The following SLC12A7 variants were observed in gnomAD, a reference collection of about 807,000 sequenced individuals.
SLC12A7 encodes the protein K-Cl cotransporter 4.
Under a neutral mutation model 120.6 loss-of-function variants are expected in SLC12A7, and 100 were observed. The observed-to-expected ratio is 0.83, with a 90% CI of 0.71 to 0.98. SLC12A7 has a LOEUF of 0.98. Among genes scored for constraint, SLC12A7 ranks in the 50% least tolerant of loss-of-function variants. The pLI is 0.00. For missense variants in SLC12A7, 1,373 were observed against 1,548.1 expected, an observed-to-expected ratio of 0.89 and a Z score of 1.90; for synonymous variants, 760 against 678.0, an observed-to-expected ratio of 1.12 and a Z score of -1.88.
intron 10 of SLC12A7, 119 bp downstream of exon 10, chr5:1,079,279 C>T (rs1375389110): frequency 2.6e-6 from 2 of 770,844 alleles, no homozygotes; most frequent in Non-Finnish European, 4.4e-6. Context: ...GGTGAGAGCA[C>T]AGCCTAACCT....
At chr5:1,075,781 C>T (rs555841007) in intron 14 of SLC12A7, 25 of 498,822 alleles carry the variant, frequency 5.0e-5, no homozygotes, top group East Asian at 1.6e-4. Flanking sequence ...GTCCACCCAG[C>T]GCCTGATTCC....
chr5:1,108,019 A>AACACACACACAC (rs1288843782), intron 1 of SLC12A7, among the ~76,000 whole-genome samples: 22 of 41,394 alleles, frequency 5.3e-4, no homozygotes, highest in Admixed American at 8.3e-4. Flanking sequence ...ACAGCATACA[A>AACACACACACAC]ACACACACAT....
chr5:1,111,066 G>A (rs1010807030), intron 1 of SLC12A7, among the ~76,000 whole-genome samples: 1 of 152,200 alleles, frequency 6.6e-6, no homozygotes, highest in South Asian at 2.1e-4. Context: ...TGCGGGCACT[G>A]CCAGCACGCG....
the SLC12A7 span, among the ~76,000 whole-genome samples, chr5:1,120,221 GAC>G: frequency 6.6e-6 from 1 of 152,246 alleles, no homozygotes; most frequent in African/African-American, 2.4e-5. Flanking sequence ...TCACTAAAAT[GAC>G]ACACTTCTCT....
chr5:1,078,737 A>G lies in SLC12A7; in HGVS notation c.1418T>C (p.Phe473Ser), dbSNP rs781177105. The change falls in exon 11 of 24, where the codon TTT becomes TCT. Residue 473 changes from phenylalanine (F) to serine (S), a missense_variant. Physicochemically the swap from Phe to Ser is radical, Grantham distance 155. Transcript: ENST00000264930. ...GACCACGCCTTCAATGCAGGCCCCA[A>G]ACAGCACAATGCAGGAGAGATCCAC... The part of the protein sequence containing the change: ...SFIYLSCIVL[F>S]GACIEGVVLR... 1.9e-6 allele frequency: 3 copies of G among 1,611,892 alleles called. No individual in the cohort carries two copies. Among genetic ancestry groups the G allele is most frequent in the South Asian group, 2.2e-5 (2 of 91,028 alleles).
Position 1,063,830 on chromosome 5 carries a change from C to G in SLC12A7, c.2739+14G>C, listed in dbSNP as rs541086357. On this transcript the variant is annotated intron_variant, in intron 20 of 23. Coordinates refer to ENST00000264930, the MANE Select transcript of SLC12A7 (RefSeq NM_006598.3). ...CTCCCCCCGGCCTCCTCCCCTCAAG[C>G]CCTCGGGACTCACCATCTCCACCAC... 7.8e-7 allele frequency: 1 copy of G among 1,288,042 alleles called. No individual in the cohort carries two copies. Among genetic ancestry groups the G allele is most frequent in the African/African-American group, 1.6e-5 (1 of 64,180 alleles). The allele number at this position is 1,288,042 out of a possible 1,614,324, so 79.8% of individuals were successfully genotyped here.
chr5:1,073,638 C>G lies in SLC12A7; in HGVS notation c.2236G>C (p.Glu746Gln), dbSNP rs149282425. ...LDKHMEAQRA[E>Q]ENIRSLMSTE... ...CCAGACCCCGCCCGGCCCACCTCCTCGGCCCGCTGAGCCTCCATGTGCTTG... is the reference window on the plus strand; with the variant it reads ...CCAGACCCCGCCCGGCCCACCTCCTGGGCCCGCTGAGCCTCCATGTGCTTG... Residue 746 changes from glutamate (E) to glutamine (Q), a missense_variant, in exon 17 of 24, where the codon GAG becomes CAG. Transcript: ENST00000264930. 2.5e-6 allele frequency: 4 copies of G among 1,602,020 alleles called. No individual in the cohort carries two copies. The Admixed American group carries it at 6.9e-5, about 27-fold the overall frequency.
chr5:1,075,598 A>G lies in SLC12A7; in HGVS notation c.1848-108T>C, dbSNP rs551560146. ...TCCCTCAGTAAAACTCTCTGTTAACACTAGGAAAACAGTCACTGACGCCTG... is the reference window on the plus strand; with the variant it reads ...TCCCTCAGTAAAACTCTCTGTTAACGCTAGGAAAACAGTCACTGACGCCTG... On this transcript the variant is annotated intron_variant, in intron 14 of 23. Transcript: ENST00000264930. The G allele has an allele frequency of 2.5e-4, 365 of 1,435,408 alleles. No homozygotes were observed. The African/African-American group carries it at 4.4e-3, about 17-fold the overall frequency. 88.9% of individuals were successfully genotyped at this position (1,435,408 alleles called of 1,614,324 possible). A position where few individuals can be genotyped will look rare whatever the true frequency, so the allele number is the denominator to read the frequency against.
At chr5:1,126,004 A>G in the SLC12A7 span, among the ~76,000 whole-genome samples, 3,389 of 151,628 alleles carry the variant, frequency 0.022, 59 homozygotes, top group Middle Eastern at 0.11. Flanking sequence ...CCAAAAAGTC[A>G]CTCATGTTAT....
At chr5:1,145,546 C>A in the SLC12A7 span, among the ~76,000 whole-genome samples, 1 of 152,232 alleles carries the variant, frequency 6.6e-6, no homozygotes. This position sits in a 1 kb window ranked among gnomAD's most constrained non-coding sequence, Gnocchi z 4.4. Context: ...CTGACCTTTC[C>A]AGGACCAGCC....
At chr5:1,109,214 C>T (rs1742799982) in intron 1 of SLC12A7, among the ~76,000 whole-genome samples, 1 of 152,140 alleles carries the variant, frequency 6.6e-6, no homozygotes, top group Non-Finnish European at 1.5e-5. Flanking sequence ...CCTTTCCCAC[C>T]CCTCCCAGGG....
chr5:1,064,185 CG>C lies in SLC12A7; in HGVS notation c.2504del (p.Pro835ArgfsTer57). The C allele has an allele frequency of 1.2e-6, 2 of 1,612,342 alleles. No homozygotes were observed. The highest frequency in any genetic ancestry group is 1.7e-6 in the Non-Finnish European group (2 of 1,179,662). ...CCCCGCCGAAGCGCTCCTGGTTTTG[CG>C]GAAACGAGTCGACGTTCTTGGCCAC... ...LLVAKNVDSF[P>X]QNQERFGGGH... On this transcript the variant is annotated frameshift_variant, in exon 19 of 24. Coordinates refer to ENST00000264930, the MANE Select transcript of SLC12A7 (RefSeq NM_006598.3). LOFTEE classifies it high-confidence loss of function.
chr5:1,111,296 G>A (rs891383457), intron 1 of SLC12A7, among the ~76,000 whole-genome samples: 9 of 152,306 alleles, frequency 5.9e-5, no homozygotes, highest in Admixed American at 2.6e-4. Flanking sequence ...ACGGGGGACG[G>A]GAACACGGAG....
intron 1 of SLC12A7, among the ~76,000 whole-genome samples, chr5:1,106,749 G>T (rs1018250918): frequency 6.6e-6 from 1 of 152,230 alleles, no homozygotes; most frequent in African/African-American, 2.4e-5. Context: ...TAAGCCACAG[G>T]CAAGAGTCAG....
chr5:1,116,245 C>T (rs189517418), upstream of SLC12A7, among the ~76,000 whole-genome samples: 1 of 152,228 alleles, frequency 6.6e-6, no homozygotes, highest in Non-Finnish European at 1.5e-5. Context: ...ATGCCAGGCT[C>T]TTCCCAGGCA....
the SLC12A7 span, among the ~76,000 whole-genome samples, chr5:1,137,971 C>T: frequency 1.3e-5 from 2 of 152,216 alleles, no homozygotes; most frequent in Non-Finnish European, 2.9e-5. Context: ...GGTTCCTGGG[C>T]TCCTGGTTCC....
intron 17 of SLC12A7, among the ~76,000 whole-genome samples, chr5:1,068,119 T>A (rs1737253342): frequency 1.3e-5 from 2 of 152,240 alleles, no homozygotes; most frequent in South Asian, 4.1e-4. Flanking sequence ...TGCACGCTTC[T>A]TAGAGAAATG....
chr5:1,054,439 G>T (rs573717209), intron 22 of SLC12A7, among the ~76,000 whole-genome samples: 1 of 152,166 alleles, frequency 6.6e-6, no homozygotes, highest in Non-Finnish European at 1.5e-5. Context: ...TCTACCCCAC[G>T]GTCCCCTCCT....
chr5:1,065,558 C>T (rs1736958357), intron 17 of SLC12A7, 80 bp from the exon 18 acceptor site: 1 of 1,198,622 alleles, frequency 8.3e-7, no homozygotes, highest in Non-Finnish European at 1.2e-6. Context: ...GTGGCCAGGG[C>T]ACCCGCACCA....
Sources: allele counts gnomAD v4.1 joint callset (sites outside exome capture counted in the v4.1 genomes callset), GRCh38; gene constraint gnomAD v4.1.1; non-coding constraint Gnocchi (gnomAD v3.1); transcripts MANE v1.5; gene names NCBI Gene and HGNC (gene_info 2026-07-23, HGNC 2026-07-21).